The following COL6A6 variants were observed in gnomAD, a reference collection of about 807,000 sequenced individuals.
COL6A6 encodes collagen alpha-6(VI) chain.
In COL6A6, 183 loss-of-function variants were observed where a neutral mutation model predicts 208.6. The observed-to-expected ratio is 0.88, with a 90% CI of 0.78 to 0.99. COL6A6 has a LOEUF of 0.99. Ranked by LOEUF, COL6A6 falls within the 50% of genes least tolerant of loss-of-function variation. The probability of loss-of-function intolerance (pLI) is 0.00; values close to 1 mark genes in which losing one functional copy is unlikely to be tolerated. For missense variants in COL6A6, 2,816 were observed against 2,815.2 expected (o/e 1.00, Z -0.01); for synonymous variants, 973 against 1,011.8 (o/e 0.96, Z 0.73).
chr3:130,667,396 C>G (rs1372073254), intron 36 of COL6A6, among the ~76,000 whole-genome samples: 1 of 152,156 alleles, frequency 6.6e-6, no homozygotes, highest in Non-Finnish European at 1.5e-5. Flanking sequence ...ACCACCACGC[C>G]TGGCTAATTT....
At chr3:130,669,132 C>A (rs530877788) in intron 36 of COL6A6, among the ~76,000 whole-genome samples, 1 of 152,310 alleles carries the variant, frequency 6.6e-6, no homozygotes, top group Non-Finnish European at 1.5e-5. Context: ...CGGTGGCTCA[C>A]GCCTCTAATC....
At position 130,606,969 on chromosome 3, in the gene COL6A6, A is replaced by G; in HGVS notation, c.4689+3A>G. 2.5e-6 allele frequency: 4 copies of G among 1,607,120 alleles called. No homozygotes were observed. The highest frequency in any genetic ancestry group is 1.7e-6 in the Non-Finnish European group (2 of 1,176,428). ...GAAGGGGACATACAGGCCCACAGGT[A>G]CAATGATTTTTCCCCTTAACTCCAA... is the stretch of plus-strand genomic sequence containing the variant. On this transcript the variant is annotated splice_donor_region_variant and intron_variant, in intron 21 of 36. Transcript: ENST00000358511.
intron 18 of COL6A6, 27 bp from the exon 19 acceptor site, chr3:130,598,338 A>AT: frequency 6.9e-7 from 1 of 1,457,250 alleles, no homozygotes. Context: ...AAATATATTA[A>AT]TTTTTCTCTT....
At chr3:130,645,842 A>G (rs1282322669) in intron 32 of COL6A6, among the ~76,000 whole-genome samples, 2 of 152,230 alleles carry the variant, frequency 1.3e-5, no homozygotes. Flanking sequence ...CTGTAAACTT[A>G]TCACCCTCTT....
chr3:130,612,674 G>T (rs753378736), intron 23 of COL6A6, among the ~76,000 whole-genome samples: 1 of 152,098 alleles, frequency 6.6e-6, no homozygotes, highest in Non-Finnish European at 1.5e-5. Flanking sequence ...AGGGGATGCC[G>T]CTGGATTAAA....
intron 20 of COL6A6, among the ~76,000 whole-genome samples, chr3:130,601,062 A>C (rs1474282010): frequency 6.6e-6 from 1 of 152,132 alleles, no homozygotes; most frequent in Non-Finnish European, 1.5e-5. Flanking sequence ...AGAGATGATA[A>C]AATATTCAAT....
At chr3:130,589,017 C>A (rs1432996551) in intron 11 of COL6A6, 73 bp from the exon 12 acceptor site, 19 of 1,121,132 alleles carry the variant, frequency 1.7e-5, no homozygotes, top group East Asian at 2.5e-5. Flanking sequence ...GTCTGGATCG[C>A]ATGGTTGAAC....
At chr3:130,597,287 T>C (rs112284042) in intron 18 of COL6A6, among the ~76,000 whole-genome samples, 2 of 152,234 alleles carry the variant, frequency 1.3e-5, no homozygotes, top group Non-Finnish European at 2.9e-5. Context: ...GAAAATGATA[T>C]TTGGCTTTGG....
chr3:130,617,027 T>C (rs1012118120), intron 23 of COL6A6, among the ~76,000 whole-genome samples: 1 of 152,164 alleles, frequency 6.6e-6, no homozygotes, highest in African/African-American at 2.4e-5. Flanking sequence ...CCTAATTTAA[T>C]GGGAGTATTT....
Position 130,649,467 on chromosome 3 carries a change from T to G in COL6A6, c.5638T>G (p.Ser1880Ala). 1 of 1,611,778 alleles carries G rather than the reference T, an allele frequency of 6.2e-7. No homozygotes were observed. Among genetic ancestry groups the G allele is most frequent in the East Asian group, 2.2e-5 (1 of 44,796 alleles). The change falls in exon 33 of 37, where the codon TCC (serine) becomes GCC (alanine). Residue 1880 changes from serine (S) to alanine (A), a missense_variant. Physicochemically the swap from Ser to Ala is moderately conservative, Grantham distance 99. Transcript: ENST00000358511. ...FSSGQSADAH[S>A]ITTAAMEFGA... ...CAGCGGTCAGTCCGCGGATGCCCAC[T>G]CCATCACCACGGCTGCCATGGAGTT...
At position 130,593,041 on chromosome 3, in the gene COL6A6, A is replaced by G. The variant is rs1446165925; in HGVS notation, c.4372-20A>G. 1 of 1,609,380 alleles carries G rather than the reference A, an allele frequency of 6.2e-7. No homozygotes were observed. Among genetic ancestry groups the G allele is most frequent in the Non-Finnish European group, 8.5e-7 (1 of 1,175,918 alleles). ...ACATGCACGTGATGTACTCTGTTCT[A>G]ATCATATCTATCTTTTCAGGGAGAA... On this transcript the variant is annotated intron_variant, in intron 15 of 36. Transcript: ENST00000358511.
At chr3:130,559,221 A>G (rs994386905) in intron 1 of COL6A6, among the ~76,000 whole-genome samples, 1 of 152,218 alleles carries the variant, frequency 6.6e-6, no homozygotes, top group African/African-American at 2.4e-5. Flanking sequence ...CCACTTTGGG[A>G]CTTAGTTTCT....
intron 18 of COL6A6, among the ~76,000 whole-genome samples, chr3:130,597,734 G>A (rs536652231): frequency 1.9e-4 from 29 of 152,270 alleles, no homozygotes; most frequent in African/African-American, 6.5e-4. Flanking sequence ...GTGAGTTCCC[G>A]GGAAATAGTT....
intron 24 of COL6A6, among the ~76,000 whole-genome samples, chr3:130,622,256 A>G (rs1300466331): frequency 7.9e-6 from 1 of 126,154 alleles, no homozygotes; most frequent in Non-Finnish European, 1.6e-5. Flanking sequence ...TTTGGTAAGC[A>G]CCTTTTAAGA....
At chr3:130,585,549 A>G (rs2108026854) in intron 10 of COL6A6, among the ~76,000 whole-genome samples, 1 of 152,334 alleles carries the variant, frequency 6.6e-6, no homozygotes, top group South Asian at 2.1e-4. Flanking sequence ...ATTTATTACC[A>G]TCATTATTTA....
At chr3:130,625,110 C>T (rs887056511) in intron 24 of COL6A6, among the ~76,000 whole-genome samples, 1 of 152,144 alleles carries the variant, frequency 6.6e-6, no homozygotes, top group Non-Finnish European at 1.5e-5. Flanking sequence ...CAATGGGATC[C>T]AAGAATTTTC....
At chr3:130,569,472 G>A (rs2063108932) in intron 6 of COL6A6, among the ~76,000 whole-genome samples, 3 of 152,156 alleles carry the variant, frequency 2.0e-5, no homozygotes, top group Admixed American at 2.0e-4. Context: ...CATAGGGCTT[G>A]ATGACAGAGG....
Position 130,524,277 on chromosome 3 carries a change from C to T in COL6A6, c.-32+6880C>T, listed in dbSNP as rs73870063. On this transcript the variant is annotated intron_variant, in intron 1 of 36. Coordinates refer to ENST00000358511, the MANE Select transcript of COL6A6 (RefSeq NM_001102608.3). ...TAATAGCACCTCAGGGAGCTGTCTGCACATTTTAAGGGCTTTTAGGTATTT... is the reference window on the plus strand; with the variant it reads ...TAATAGCACCTCAGGGAGCTGTCTGTACATTTTAAGGGCTTTTAGGTATTT... 9.0e-3 allele frequency among the ~76,000 whole-genome samples: 1,372 copies of T among 152,336 alleles called. 23 individuals are homozygous for T. Among genetic ancestry groups the T allele is most frequent in the African/African-American group, 0.031 (1,297 of 41,570 alleles).
At chr3:130,593,984 T>C (rs775279180) in intron 17 of COL6A6, among the ~76,000 whole-genome samples, 1 of 152,208 alleles carries the variant, frequency 6.6e-6, no homozygotes, top group Non-Finnish European at 1.5e-5. Context: ...GAATCTCAGT[T>C]GCCTTATAAA....
Sources: allele counts gnomAD v4.1 joint callset (sites outside exome capture counted in the v4.1 genomes callset), GRCh38; gene constraint gnomAD v4.1.1; transcripts MANE v1.5; gene names NCBI Gene and HGNC (gene_info 2026-07-23, HGNC 2026-07-21).